The following RTL4 variants were observed in gnomAD, a reference collection of about 807,000 sequenced individuals.
RTL4 encodes retrotransposon Gag like 4.
In RTL4, 4 loss-of-function variants were observed where a neutral mutation model predicts 5.3. That is an observed-to-expected ratio of 0.75 (90% confidence interval 0.37 to 1.72). The LOEUF is 1.72. RTL4 is among the 40% of genes most tolerant of loss of function. The pLI is 0.04. For missense variants in RTL4, 260 were observed against 227.1 expected (o/e 1.14, Z -0.93); for synonymous variants, 98 against 87.3 (o/e 1.12, Z -0.68).
At chrX:112,173,753 T>C in the RTL4 span, among the ~76,000 whole-genome samples, 1,030 of 109,963 alleles carry the variant, frequency 9.4e-3, 13 homozygotes, top group African/African-American at 0.032. Flanking sequence ...GAGAAAGGAT[T>C]GAGACTAAAT....
chrX:112,326,148 G>A, the RTL4 span, among the ~76,000 whole-genome samples: 2 of 111,608 alleles, frequency 1.8e-5, no homozygotes, highest in African/African-American at 6.5e-5. Flanking sequence ...CAGGAAACAG[G>A]AGCCAAGATG....
the RTL4 span, among the ~76,000 whole-genome samples, chrX:112,303,418 C>T: frequency 2.3e-3 from 247 of 108,504 alleles, 1 homozygote; most frequent in African/African-American, 7.8e-3. Context: ...AATGTATTGT[C>T]ATTTCTCCAT....
At chrX:112,342,084 A>T in the RTL4 span, among the ~76,000 whole-genome samples, 6 of 111,227 alleles carry the variant, frequency 5.4e-5, no homozygotes, top group African/African-American at 2.0e-4. Context: ...GTCTGTAGAG[A>T]ATTTAGGGGC....
At chrX:112,172,185 T>C in the RTL4 span, among the ~76,000 whole-genome samples, 4,291 of 110,763 alleles carry the variant, frequency 0.039, 174 homozygotes, top group African/African-American at 0.12. Flanking sequence ...ATTAGCTGGG[T>C]GTAGCAGCGG....
At chrX:112,178,901 T>C in the RTL4 span, among the ~76,000 whole-genome samples, 4 of 111,730 alleles carry the variant, frequency 3.6e-5, no homozygotes, top group African/African-American at 1.3e-4. Context: ...GTCTCTTGAA[T>C]TGTCAATTTA....
the RTL4 span, among the ~76,000 whole-genome samples, chrX:112,231,427 A>G: frequency 9.1e-6 from 1 of 109,749 alleles, no homozygotes; most frequent in African/African-American, 3.3e-5. Flanking sequence ...TTGTAGGGAC[A>G]TGGATGAAGC....
the RTL4 span, among the ~76,000 whole-genome samples, chrX:112,323,548 G>A: frequency 9.1e-6 from 1 of 110,050 alleles, no homozygotes; most frequent in Non-Finnish European, 1.9e-5. Flanking sequence ...CTGGAGTGCA[G>A]TGGTAGGATC....
At chrX:112,119,836 T>C in the RTL4 span, among the ~76,000 whole-genome samples, 1 of 112,051 alleles carries the variant, frequency 8.9e-6, no homozygotes, top group Non-Finnish European at 1.9e-5. Flanking sequence ...TGTGTCTCTC[T>C]CGTGTCATCT....
the RTL4 span, among the ~76,000 whole-genome samples, chrX:112,425,494 A>T: frequency 9.0e-6 from 1 of 111,180 alleles, no homozygotes; most frequent in Non-Finnish European, 1.9e-5. Flanking sequence ...GTTTTGTAAT[A>T]AACCACCAAA....
At chrX:112,200,913 G>A in the RTL4 span, among the ~76,000 whole-genome samples, 2 of 111,802 alleles carry the variant, frequency 1.8e-5, no homozygotes, top group African/African-American at 6.5e-5. Flanking sequence ...AAAGCAAGAC[G>A]AGGGAAAGGA....
At chrX:112,296,557 T>C in the RTL4 span, among the ~76,000 whole-genome samples, 1 of 110,757 alleles carries the variant, frequency 9.0e-6, no homozygotes, top group South Asian at 3.9e-4. Context: ...TTGTTTTCCC[T>C]TCCATCTGGG....
the RTL4 span, among the ~76,000 whole-genome samples, chrX:112,436,227 A>C: frequency 1.5e-5 from 1 of 65,261 alleles, no homozygotes; most frequent in Admixed American, 1.5e-4. Context: ...ATAACAAAAC[A>C]AAAAAAAAAA....
chrX:112,181,253 C>T, the RTL4 span, among the ~76,000 whole-genome samples: 769 of 111,634 alleles, frequency 6.9e-3, 6 homozygotes, highest in African/African-American at 0.024. Flanking sequence ...AACTGGGTGG[C>T]CATTTGGGCA....
the RTL4 span, among the ~76,000 whole-genome samples, chrX:112,217,721 T>C: frequency 8.9e-6 from 1 of 112,027 alleles, no homozygotes; most frequent in Non-Finnish European, 1.9e-5. Flanking sequence ...ATGTAATTGT[T>C]CTGCTTAACA....
At chrX:112,166,766 A>G in the RTL4 span, among the ~76,000 whole-genome samples, 5 of 112,068 alleles carry the variant, frequency 4.5e-5, no homozygotes, top group African/African-American at 1.6e-4. Flanking sequence ...CAGTTTCTTT[A>G]TCTGCAAAAG....
chrX:112,413,870 G>A, the RTL4 span, among the ~76,000 whole-genome samples: 4 of 110,988 alleles, frequency 3.6e-5, no homozygotes, highest in South Asian at 7.6e-4. Context: ...TAACACAAAC[G>A]ATAAATGCTT....
the RTL4 span, among the ~76,000 whole-genome samples, chrX:112,175,774 T>C: frequency 9.0e-6 from 1 of 111,076 alleles, no homozygotes. Context: ...GCCAATATCA[T>C]ACTGAATGGG....
At chrX:112,391,141 A>G in the RTL4 span, among the ~76,000 whole-genome samples, 2 of 111,665 alleles carry the variant, frequency 1.8e-5, no homozygotes, top group African/African-American at 3.3e-5. Flanking sequence ...AAATTCTTGT[A>G]TTGTGTTTTT....
At chrX:112,196,699 G>A in the RTL4 span, among the ~76,000 whole-genome samples, 81 of 111,505 alleles carry the variant, frequency 7.3e-4, 1 homozygote, top group African/African-American at 2.6e-3. Flanking sequence ...ACATCTCCTT[G>A]TGGTTTTAAT....
Sources: gnomAD v4.1 joint callset for allele counts (sites outside exome capture counted in the v4.1 genomes callset) on GRCh38, gnomAD v4.1.1 for gene constraint, MANE v1.5 for transcripts, NCBI Gene and HGNC (gene_info 2026-07-23, HGNC 2026-07-21) for gene names.